Variants in GRID1 observed in about 807,000 individuals in gnomAD.
GRID1 encodes the protein glutamate receptor ionotropic, delta-1.
In GRID1, 28 loss-of-function variants were observed where a neutral mutation model predicts 98.0. That is an observed-to-expected ratio of 0.29 (90% CI 0.21 to 0.39). The LOEUF (loss-of-function observed/expected upper bound fraction) is 0.39. GRID1 is among the 10% of genes least tolerant of loss of function. The pLI is 1.00. For missense variants in GRID1, 1,111 were observed against 1,340.5 expected (o/e 0.83, Z 2.67); for synonymous variants, 553 against 538.5 (o/e 1.03, Z -0.37).
chr10:85,970,954 CA>C (rs1028263816), intron 4 of GRID1, among the ~76,000 whole-genome samples: 3 of 151,556 alleles, frequency 2.0e-5, no homozygotes, highest in Non-Finnish European at 3.0e-5. Flanking sequence ...GATATTCACA[CA>C]AAAAACTATC....
chr10:85,752,568 A>G (rs994517310), intron 8 of GRID1, among the ~76,000 whole-genome samples: 1 of 152,202 alleles, frequency 6.6e-6, no homozygotes, highest in Non-Finnish European at 1.5e-5. Context: ...TGAATATTTC[A>G]AGACCCAATA....
At chr10:86,310,434 G>C (rs1323521982) in intron 2 of GRID1, among the ~76,000 whole-genome samples, 1 of 152,162 alleles carries the variant, frequency 6.6e-6, no homozygotes, top group Admixed American at 6.5e-5. Flanking sequence ...CCCCAGCCCT[G>C]TGTGGGGTAG....
intron 2 of GRID1, among the ~76,000 whole-genome samples, chr10:86,273,115 A>G (rs1589433705): frequency 7.2e-6 from 1 of 138,424 alleles, no homozygotes; most frequent in African/African-American, 2.8e-5. Context: ...TCCTCTGTCC[A>G]TGTGTTCTCA....
chr10:85,881,271 T>G (rs1841009478), intron 5 of GRID1, among the ~76,000 whole-genome samples: 1 of 152,142 alleles, frequency 6.6e-6, no homozygotes, highest in African/African-American at 2.4e-5. Flanking sequence ...TGGAAAAAAC[T>G]ACTTTAAAGT....
At position 85,869,130 on chromosome 10, in the gene GRID1, C is replaced by A; in HGVS notation, c.831G>T (p.Arg277Ser). ...GAAAGATTTGCCGGACCACGGTCAT[C>A]CTTCCAAGGGCACTATGGACCAGAT... ...ILDLVHSALG[R>S]MTVVRQIFPS... Residue 277 changes from arginine (R) to serine (S), a missense_variant, in exon 6 of 16, where the codon AGG becomes AGT. Arg to Ser is a moderately radical substitution (Grantham distance 110). Coordinates refer to ENST00000327946, the MANE Select transcript of GRID1 (RefSeq NM_017551.3). 1 of 1,614,002 alleles carries A rather than the reference C, an allele frequency of 6.2e-7. No individual in the cohort carries two copies. The highest frequency in any genetic ancestry group is 8.5e-7 in the Non-Finnish European group (1 of 1,179,898).
intron 2 of GRID1, among the ~76,000 whole-genome samples, chr10:86,296,658 G>A (rs1847595035): frequency 2.0e-5 from 3 of 152,184 alleles, no homozygotes; most frequent in South Asian, 4.2e-4. Context: ...AGAATCGCTC[G>A]AACCCGAGAG....
At chr10:85,770,287 T>C (rs1175869479) in intron 8 of GRID1, among the ~76,000 whole-genome samples, 2 of 151,904 alleles carry the variant, frequency 1.3e-5, no homozygotes, top group East Asian at 1.9e-4. Context: ...GAAGGAAAAC[T>C]AACAAACAGA....
intron 8 of GRID1, among the ~76,000 whole-genome samples, chr10:85,849,930 A>C (rs1443002013): frequency 6.6e-6 from 1 of 152,158 alleles, no homozygotes; most frequent in Non-Finnish European, 1.5e-5. Context: ...CTTGGTCCTA[A>C]CTTGATTCTA....
intron 4 of GRID1, among the ~76,000 whole-genome samples, chr10:85,995,040 T>C (rs553783521): frequency 1.3e-5 from 2 of 152,252 alleles, no homozygotes; most frequent in Admixed American, 6.5e-5. Flanking sequence ...AGTTTTATGT[T>C]CTTTCCATTT....
intron 8 of GRID1, among the ~76,000 whole-genome samples, chr10:85,806,014 A>C (rs1037213775): frequency 6.6e-6 from 1 of 151,904 alleles, no homozygotes; most frequent in Non-Finnish European, 1.5e-5. Flanking sequence ...AAAGTCCATT[A>C]AGGAAAAGAC....
intron 4 of GRID1, among the ~76,000 whole-genome samples, chr10:85,946,926 A>G (rs955077952): frequency 2.6e-5 from 4 of 152,310 alleles, no homozygotes; most frequent in African/African-American, 9.6e-5. Context: ...AATGGCTCAC[A>G]ATGCGGAAAT....
intron 2 of GRID1, among the ~76,000 whole-genome samples, chr10:86,334,502 T>A (rs1848196858): frequency 6.6e-6 from 1 of 152,184 alleles, no homozygotes; most frequent in Admixed American, 6.5e-5. Context: ...TGGTTATGGT[T>A]CGTGTCACAT....
intron 2 of GRID1, among the ~76,000 whole-genome samples, chr10:86,318,462 G>C (rs376602649): frequency 1.2e-3 from 188 of 152,366 alleles, no homozygotes; most frequent in African/African-American, 4.1e-3. Context: ...GCCCACACCA[G>C]GGGTCCACAC....
chr10:86,250,890 T>C (rs913350988), intron 2 of GRID1, among the ~76,000 whole-genome samples: 3 of 152,220 alleles, frequency 2.0e-5, no homozygotes, highest in Non-Finnish European at 4.4e-5. Context: ...AAGGAGGTTT[T>C]GTCGAATAGA....
chr10:85,882,805 C>G (rs1438340940), intron 5 of GRID1, among the ~76,000 whole-genome samples: 2 of 152,042 alleles, frequency 1.3e-5, no homozygotes, highest in African/African-American at 4.8e-5. Flanking sequence ...ATCATTTTAA[C>G]TGTCATTCCC....
At chr10:86,355,740 A>C (rs997543780) in intron 2 of GRID1, among the ~76,000 whole-genome samples, 1 of 152,198 alleles carries the variant, frequency 6.6e-6, no homozygotes, top group African/African-American at 2.4e-5. Context: ...TTGGACACAG[A>C]CCCAGCTGTC....
intron 12 of GRID1, among the ~76,000 whole-genome samples, chr10:85,669,211 C>T (rs560910727): frequency 6.6e-6 from 1 of 152,218 alleles, no homozygotes; most frequent in Non-Finnish European, 1.5e-5. Flanking sequence ...ACCAAGCCCA[C>T]TCCAAATGGG....
chr10:85,948,060 C>T (rs1367000629), intron 4 of GRID1, among the ~76,000 whole-genome samples: 1 of 152,068 alleles, frequency 6.6e-6, no homozygotes, highest in Non-Finnish European at 1.5e-5. Flanking sequence ...GAACTGAGAG[C>T]AGAAAAGGGA....
intron 2 of GRID1, among the ~76,000 whole-genome samples, chr10:86,280,474 A>G (rs1043695177): frequency 1.5e-4 from 23 of 151,094 alleles, no homozygotes; most frequent in Admixed American, 1.4e-3. Flanking sequence ...CAATGGTATC[A>G]CTTGCAAAGA....
Sources: gnomAD v4.1 joint callset for allele counts (sites outside exome capture counted in the v4.1 genomes callset) on GRCh38, gnomAD v4.1.1 for gene constraint, MANE v1.5 for transcripts, NCBI Gene and HGNC (gene_info 2026-07-23, HGNC 2026-07-21) for gene names.